The following OIT3 variants were observed in gnomAD, a reference collection of about 807,000 sequenced individuals.
OIT3 encodes the protein oncoprotein induced transcript 3.
Under a neutral mutation model 52.2 loss-of-function variants are expected in OIT3, and 41 were observed. The observed-to-expected ratio is 0.79, with a 90% CI of 0.61 to 1.02. The LOEUF (loss-of-function observed/expected upper bound fraction) is 1.02, where lower values mean the gene tolerates loss of function less well. Among genes scored for constraint, OIT3 ranks in the 50% least tolerant of loss-of-function variants. The pLI, the probability that OIT3 is intolerant of heterozygous loss-of-function variation, is 0.00. For missense variants in OIT3, 634 were observed against 715.5 expected, an observed-to-expected ratio of 0.89 and a Z score of 1.30; for synonymous variants, 244 against 276.9, an observed-to-expected ratio of 0.88 and a Z score of 1.18.
At chr10:72,912,666 TTATGA>T (rs74262585) in intron 5 of OIT3, among the ~76,000 whole-genome samples, 1,555 of 152,318 alleles carry the variant, frequency 0.01, 19 homozygotes, top group Non-Finnish European at 0.014. Context: ...AATACCATTG[TTATGA>T]TATGTCTTCA....
intron 8 of OIT3, among the ~76,000 whole-genome samples, chr10:72,931,017 G>A (rs1280348093): frequency 9.2e-5 from 14 of 152,226 alleles, no homozygotes; most frequent in Non-Finnish European, 2.1e-4. Flanking sequence ...AATGTTCACT[G>A]AAAATAGTAC....
At chr10:72,901,796 C>A (rs1287045309) in intron 3 of OIT3, among the ~76,000 whole-genome samples, 1 of 152,130 alleles carries the variant, frequency 6.6e-6, no homozygotes, top group African/African-American at 2.4e-5. Flanking sequence ...GTAATCCCAG[C>A]GCTTTGAGAG....
At chr10:72,901,481 T>C (rs1008583036) in intron 3 of OIT3, among the ~76,000 whole-genome samples, 1 of 152,216 alleles carries the variant, frequency 6.6e-6, no homozygotes, top group Non-Finnish European at 1.5e-5. Context: ...CAGACTCAAA[T>C]AGATTTAAAA....
chr10:72,901,555 C>T (rs942541552), intron 3 of OIT3, among the ~76,000 whole-genome samples: 1 of 152,098 alleles, frequency 6.6e-6, no homozygotes, highest in Non-Finnish European at 1.5e-5. Context: ...AGTAACAGGT[C>T]AGGATTGAGG....
Position 72,913,410 on chromosome 10 carries a change from C to A in OIT3, c.893C>A (p.Ser298Tyr). 1 of 1,613,398 alleles carries A rather than the reference C, an allele frequency of 6.2e-7. No homozygotes were observed. Among genetic ancestry groups the A allele is most frequent in the Non-Finnish European group, 8.5e-7 (1 of 1,179,448 alleles). The change falls in exon 6 of 9, where the codon TCC (serine) becomes TAC (tyrosine). Residue 298 changes from serine (S) to tyrosine (Y), a missense_variant. By Grantham distance (144) the Ser-to-Tyr change is moderately radical. Transcript: ENST00000334011. ...FLTNTSCRGV[S>Y]NGTHVNILFS... ...ACCAACACCTCCTGCCGAGGAGTGT[C>A]CAACGGCACCCATGTCAACATCCTC...
chr10:72,904,008 G>A (rs576794076), intron 3 of OIT3, among the ~76,000 whole-genome samples: 5 of 152,270 alleles, frequency 3.3e-5, no homozygotes, highest in East Asian at 3.9e-4. Context: ...CAGACAGCCC[G>A]GCGCCACACC....
At chr10:72,899,307 A>C (rs1205427047) in intron 2 of OIT3, among the ~76,000 whole-genome samples, 1 of 152,140 alleles carries the variant, frequency 6.6e-6, no homozygotes, top group Non-Finnish European at 1.5e-5. Flanking sequence ...TTAGAAAATG[A>C]AACATTGGGC....
chr10:72,914,512 G>T (rs889801592), intron 6 of OIT3, among the ~76,000 whole-genome samples: 3 of 152,196 alleles, frequency 2.0e-5, no homozygotes, highest in African/African-American at 7.2e-5. Flanking sequence ...AGGAGCAGGC[G>T]GTCCCACTTG....
intron 1 of OIT3, 71 bp downstream of exon 1, chr10:72,893,930 T>G: frequency 9.3e-7 from 1 of 1,077,598 alleles, no homozygotes; most frequent in Non-Finnish European, 1.4e-6. Context: ...GTACAGATGA[T>G]TAAGAACTAG....
intron 6 of OIT3, chr10:72,918,204 A>G: frequency 1.1e-6 from 1 of 930,742 alleles, no homozygotes; most frequent in Non-Finnish European, 1.8e-6. Flanking sequence ...CTGTCCACTA[A>G]TATGCACTGT....
chr10:72,929,662 C>T (rs972712726), intron 7 of OIT3, among the ~76,000 whole-genome samples: 29 of 152,128 alleles, frequency 1.9e-4, no homozygotes, highest in African/African-American at 7.0e-4. Flanking sequence ...CCACCTCAAC[C>T]TGCCGAGTAG....
At chr10:72,921,827 A>C (rs1325968634) in intron 6 of OIT3, among the ~76,000 whole-genome samples, 2 of 151,722 alleles carry the variant, frequency 1.3e-5, no homozygotes, top group Non-Finnish European at 2.9e-5. Flanking sequence ...GTGTGCCACC[A>C]TCCCTGGCTA....
chr10:72,901,212 T>A (rs1845932170), intron 3 of OIT3, among the ~76,000 whole-genome samples: 1 of 152,206 alleles, frequency 6.6e-6, no homozygotes, highest in Non-Finnish European at 1.5e-5. Flanking sequence ...TAAAAAATTT[T>A]AAATATGTAA....
intron 5 of OIT3, 82 bp downstream of exon 5, chr10:72,911,921 G>A: frequency 7.8e-7 from 1 of 1,285,008 alleles, no homozygotes. Flanking sequence ...CCTCCCCCAA[G>A]TGTGTCAGGG....
At chr10:72,910,348 C>T (rs150934386) in intron 4 of OIT3, among the ~76,000 whole-genome samples, 4,535 of 152,188 alleles carry the variant, frequency 0.03, 92 homozygotes, top group Non-Finnish European at 0.041. Context: ...GTGCTTTTAT[C>T]CTTTAAAAAT....
chr10:72,902,323 T>A lies in OIT3; in HGVS notation c.544+1839T>A, dbSNP rs149431046. The stretch of plus-strand genomic sequence containing the variant: ...ATGCATTTCTTTGCTTTTGTTTTAA[T>A]ATAACTTTTGAAGAGGTAATACGTT... On this transcript the variant is annotated intron_variant, in intron 3 of 8. Coordinates refer to ENST00000334011, the MANE Select transcript of OIT3 (RefSeq NM_152635.3). 6.7e-3 allele frequency among the ~76,000 whole-genome samples: 1,021 copies of A among 152,304 alleles called. 17 individuals are homozygous for A. Among genetic ancestry groups the A allele is most frequent in the African/African-American group, 0.023 (968 of 41,550 alleles).
At chr10:72,906,830 T>C (rs1845984962) in intron 4 of OIT3, 112 bp downstream of exon 4, 1 of 1,003,290 alleles carries the variant, frequency 1.0e-6, no homozygotes, top group Admixed American at 2.7e-5. Context: ...CGTTTGGCTG[T>C]GCAAAGAAAT....
intron 7 of OIT3, among the ~76,000 whole-genome samples, chr10:72,929,486 C>A (rs1846196560): frequency 6.6e-6 from 1 of 152,040 alleles, no homozygotes; most frequent in Non-Finnish European, 1.5e-5. Flanking sequence ...TGGCTCACTG[C>A]AGCCTCTGCC....
Position 72,924,257 on chromosome 10 carries a change from A to G in OIT3, c.980A>G (p.Asn327Ser), listed in dbSNP as rs1382987504. Residue 327 changes from asparagine (N) to serine (S), a missense_variant, in exon 7 of 9, where the codon AAC (asparagine) becomes AGC (serine). Coordinates refer to ENST00000334011, the MANE Select transcript of OIT3 (RefSeq NM_152635.3). ...DVVNDKIVAS[N>S]LVTGLPKQTP... ...GTGAATGACAAGATTGTGGCCAGCAACCTCGTGACAGGTCTACCCAAGCAG... is the reference window on the plus strand; with the variant it reads ...GTGAATGACAAGATTGTGGCCAGCAGCCTCGTGACAGGTCTACCCAAGCAG... The G allele has an allele frequency of 6.2e-7, 1 of 1,601,636 alleles. No individual in the cohort carries two copies. The highest frequency in any genetic ancestry group is 2.2e-5 in the East Asian group (1 of 44,604).
Sources: allele counts gnomAD v4.1 joint callset (sites outside exome capture counted in the v4.1 genomes callset), GRCh38; gene constraint gnomAD v4.1.1; transcripts MANE v1.5; gene names NCBI Gene and HGNC (gene_info 2026-07-23, HGNC 2026-07-21).